Variants in GNL3L observed in about 807,000 individuals in gnomAD.
GNL3L encodes G protein nucleolar 3 like, also known as guanine nucleotide-binding protein-like 3-like protein.
A neutral mutation model predicts 42.9 loss-of-function variants in GNL3L; 4 were observed. The ratio of observed to expected loss-of-function variants is 0.09; its 90% CI spans 0.05 to 0.21. GNL3L has a LOEUF of 0.21. Ranked by LOEUF, GNL3L falls within the 10% of genes least tolerant of loss-of-function variation. The probability of loss-of-function intolerance (pLI) is 1.00; values close to 1 mark genes in which losing one functional copy is unlikely to be tolerated. For synonymous variants in GNL3L, 159 were observed against 176.3 expected (o/e 0.90, Z 0.78); for missense variants, 412 against 481.7 (o/e 0.86, Z 1.36).
In GNL3L at chrX:54,558,552, C is replaced by T. The variant is rs141548321; in HGVS notation, c.1563C>T (p.Asp521=). ...SNSMVDVCSV[D]RRSVLQRIME... is the part of the protein sequence containing the mutation. ...GTATGGTGGATGTCTGCTCAGTGGA[C>T]CGCCGCTCAGTGCTGCAGAGGATCA... The change falls in exon 15 of 16, where the codon GAC becomes GAT. Residue 521 remains aspartate, a synonymous_variant. Coordinates refer to ENST00000360845, the MANE Select transcript of GNL3L (RefSeq NM_001184819.2). 6.8e-3 allele frequency: 8,252 copies of T among 1,207,523 alleles called. 39 individuals carry two copies. Among genetic ancestry groups the T allele is most frequent in the Non-Finnish European group, 8.6e-3 (7,725 of 893,426 alleles).
downstream of GNL3L, among the ~76,000 whole-genome samples, chrX:54,623,495 C>T (rs1453584289): frequency 2.7e-5 from 3 of 111,983 alleles, no homozygotes; most frequent in Non-Finnish European, 5.6e-5. Flanking sequence ...GAATTCCTGA[C>T]CTTGTGATCC....
chrX:54,577,491 GTCA>G (rs1388528292), intron 16 of GNL3L, among the ~76,000 whole-genome samples: 1 of 111,013 alleles, frequency 9.0e-6, no homozygotes, highest in East Asian at 2.8e-4. Flanking sequence ...ATTAACTATA[GTCA>G]TCATGCTGTA....
chrX:54,576,008 G>A (rs1382239565), intron 16 of GNL3L, among the ~76,000 whole-genome samples: 1 of 112,368 alleles, frequency 8.9e-6, no homozygotes, highest in Non-Finnish European at 1.9e-5. Flanking sequence ...TTCTGCCATT[G>A]TGGGATGGAG....
At chrX:54,631,355 A>G in the GNL3L span, among the ~76,000 whole-genome samples, 2 of 110,523 alleles carry the variant, frequency 1.8e-5, no homozygotes, top group East Asian at 5.7e-4. Context: ...CACTATTACT[A>G]TGTTGCCATC....
chrX:54,584,961 T>G (rs1020132790), intron 16 of GNL3L, among the ~76,000 whole-genome samples: 1 of 111,728 alleles, frequency 9.0e-6, no homozygotes, highest in Non-Finnish European at 1.9e-5. Flanking sequence ...AGTTTATGTA[T>G]TTTTAGTAGA....
intron 8 of GNL3L, 139 bp downstream of exon 8, chrX:54,544,465 A>T: frequency 5.5e-6 from 2 of 365,099 alleles, no homozygotes; most frequent in Non-Finnish European, 9.6e-6. Context: ...TGCTCCACCG[A>T]GTGACTTTTT....
intron 16 of GNL3L, among the ~76,000 whole-genome samples, chrX:54,609,510 C>T (rs943827179): frequency 8.9e-5 from 10 of 112,220 alleles, no homozygotes; most frequent in Non-Finnish European, 1.3e-4. Flanking sequence ...TAATTTATCT[C>T]GAGTTGATTT....
chrX:54,534,640 C>A (rs1213318183), intron 2 of GNL3L, among the ~76,000 whole-genome samples: 1 of 111,558 alleles, frequency 9.0e-6, no homozygotes, highest in East Asian at 2.8e-4. Context: ...AAAAATTCTT[C>A]AAGGTCATAT....
intron 2 of GNL3L, among the ~76,000 whole-genome samples, chrX:54,533,637 G>A (rs1400735698): frequency 9.0e-6 from 1 of 110,710 alleles, no homozygotes; most frequent in Non-Finnish European, 1.9e-5. Flanking sequence ...CTCTTGCTTT[G>A]TTACCAGTAG....
At chrX:54,631,100 C>T in the GNL3L span, among the ~76,000 whole-genome samples, 1 of 111,073 alleles carries the variant, frequency 9.0e-6, no homozygotes, top group Non-Finnish European at 1.9e-5. Context: ...AGCCACCTCT[C>T]CTAGCCTAAT....
chrX:54,552,341 A>T lies in GNL3L; in HGVS notation c.1231A>T (p.Thr411Ser), dbSNP rs1924970739. 3 of 1,206,552 alleles carry T rather than the reference A, an allele frequency of 2.5e-6. No homozygotes were observed. In the East Asian group the frequency reaches 8.9e-5, roughly 36 times the overall value. The part of the protein sequence containing the change: ...IPPPATHTLP[T>S]HLSAEIVKEM... The stretch of plus-strand genomic sequence containing the variant: ...ACCACCAGCCACTCACACTCTGCCC[A>T]CCCATCTCAGTGCTGAGATCGTTAA... The change falls in exon 13 of 16, where the codon ACC (threonine) becomes TCC (serine). Residue 411 changes from threonine (T) to serine (S), a missense_variant. Transcript: ENST00000360845.
intron 12 of GNL3L, 32 bp from the exon 13 acceptor site, chrX:54,552,260 G>A: frequency 8.3e-7 from 1 of 1,198,425 alleles, no homozygotes; most frequent in Non-Finnish European, 1.1e-6. Flanking sequence ...CTCAGTGACA[G>A]CACCACTCAT....
intron 16 of GNL3L, among the ~76,000 whole-genome samples, chrX:54,580,067 A>AT (rs1569542410): frequency 2.1e-5 from 2 of 95,547 alleles, no homozygotes; most frequent in African/African-American, 8.2e-5. Context: ...TTACATATAT[A>AT]TACATGTGCC....
At chrX:54,637,842 A>G in the GNL3L span, among the ~76,000 whole-genome samples, 1 of 111,354 alleles carries the variant, frequency 9.0e-6, no homozygotes, top group Non-Finnish European at 1.9e-5. Context: ...TATGGAGAAA[A>G]TGGCGTCTAG....
At chrX:54,634,641 G>A in the GNL3L span, among the ~76,000 whole-genome samples, 2 of 90,764 alleles carry the variant, frequency 2.2e-5, no homozygotes, top group African/African-American at 1.3e-4. Context: ...ACCAAGCCTG[G>A]CTAATTTTTT....
chrX:54,576,595 T>G, intron 16 of GNL3L, among the ~76,000 whole-genome samples: 1 of 110,415 alleles, frequency 9.1e-6, no homozygotes, highest in Non-Finnish European at 1.9e-5. Flanking sequence ...TCCTCCTGAG[T>G]AGATGGGATT....
downstream of GNL3L, among the ~76,000 whole-genome samples, chrX:54,571,447 C>T (rs1022923250): frequency 9.2e-5 from 10 of 108,268 alleles, no homozygotes; most frequent in Non-Finnish European, 1.3e-4. Flanking sequence ...CATCCACCCG[C>T]CTCAGCCTCC....
rs1451190546 is a variant in GNL3L, at chrX:54,566,877, G to A, written c.*6275G>A. 9.0e-6 allele frequency among the ~76,000 whole-genome samples: 1 copy of A among 111,642 alleles called. No homozygotes were observed. Among genetic ancestry groups the A allele is most frequent in the Non-Finnish European group, 1.9e-5 (1 of 53,156 alleles). Reference sequence around the variant, plus strand: ...TAGCTTCGACCTCCTGGGCTCAAGCGAACCTCCCACCTCCGCCTCTTGAGT... The same window carrying A: ...TAGCTTCGACCTCCTGGGCTCAAGCAAACCTCCCACCTCCGCCTCTTGAGT... On this transcript the variant is annotated 3_prime_UTR_variant, in exon 16 of 16. Coordinates refer to ENST00000360845, the MANE Select transcript of GNL3L (RefSeq NM_001184819.2).
At chrX:54,551,440 A>AT in intron 10 of GNL3L, 128 bp from the exon 11 acceptor site, 1 of 517,391 alleles carries the variant, frequency 1.9e-6, no homozygotes, top group Non-Finnish European at 3.3e-6. Context: ...CCAACTCTAC[A>AT]TCTCTCCACC....
Sources: gnomAD v4.1 joint callset for allele counts (sites outside exome capture counted in the v4.1 genomes callset) on GRCh38, gnomAD v4.1.1 for gene constraint, MANE v1.5 for transcripts, NCBI Gene and HGNC (gene_info 2026-07-23, HGNC 2026-07-21) for gene names.